The following JAKMIP2 variants were observed in gnomAD, a reference collection of about 807,000 sequenced individuals.
The protein encoded by JAKMIP2 is janus kinase and microtubule interacting protein 2.
JAKMIP2 carries 25 observed loss-of-function variants against 115.0 expected under a neutral mutation model. That is an observed-to-expected ratio of 0.22 (90% CI 0.16 to 0.30). The LOEUF is 0.30. JAKMIP2 is among the 10% of genes least tolerant of loss of function. The pLI is 1.00. For missense variants in JAKMIP2, 642 were observed against 957.6 expected (o/e 0.67, Z 4.35); for synonymous variants, 334 against 343.6 (o/e 0.97, Z 0.31).
At chr5:147,656,868 C>A (rs896916628) in intron 3 of JAKMIP2, among the ~76,000 whole-genome samples, 1 of 152,104 alleles carries the variant, frequency 6.6e-6, no homozygotes, top group Non-Finnish European at 1.5e-5. Context: ...GGAGCTCTTG[C>A]AAAGCAGGCC....
chr5:147,753,731 T>C (rs1016624988), intron 1 of JAKMIP2, among the ~76,000 whole-genome samples: 2 of 151,742 alleles, frequency 1.3e-5, no homozygotes, highest in African/African-American at 4.8e-5. Flanking sequence ...TTCCTTGTGG[T>C]AGAAAAGCTA....
chr5:147,667,839 C>A (rs2126797514), intron 2 of JAKMIP2, among the ~76,000 whole-genome samples: 1 of 152,286 alleles, frequency 6.6e-6, no homozygotes, highest in African/African-American at 2.4e-5. Context: ...TGGGGACAGT[C>A]ACTCGAGGAT....
At chr5:147,658,613 C>T (rs1758797015) in intron 3 of JAKMIP2, among the ~76,000 whole-genome samples, 1 of 152,210 alleles carries the variant, frequency 6.6e-6, no homozygotes, top group South Asian at 2.1e-4. Flanking sequence ...ATTAAATCCG[C>T]TGAAGCTGCT....
intron 3 of JAKMIP2, among the ~76,000 whole-genome samples, chr5:147,655,262 T>C (rs1019019566): frequency 6.6e-6 from 1 of 152,230 alleles, no homozygotes; most frequent in Non-Finnish European, 1.5e-5. Context: ...TTTGGAATAG[T>C]TTCAGAAGGA....
chr5:147,684,226 C>T (rs1359249165), intron 1 of JAKMIP2, among the ~76,000 whole-genome samples: 1 of 139,926 alleles, frequency 7.1e-6, no homozygotes, highest in Non-Finnish European at 1.5e-5. Flanking sequence ...ATGTGCAAGG[C>T]ATTGTGGTAG....
intron 15 of JAKMIP2, among the ~76,000 whole-genome samples, chr5:147,629,179 G>T (rs962076561): frequency 6.6e-6 from 1 of 152,016 alleles, no homozygotes; most frequent in Non-Finnish European, 1.5e-5. Context: ...ATTTTTCAAG[G>T]GAAAAACGGT....
intron 1 of JAKMIP2, among the ~76,000 whole-genome samples, chr5:147,700,229 T>A (rs1324422629): frequency 6.6e-6 from 1 of 151,820 alleles, no homozygotes; most frequent in African/African-American, 2.4e-5. Context: ...GTTAAAAATA[T>A]GAAAAATATT....
intron 1 of JAKMIP2, among the ~76,000 whole-genome samples, chr5:147,750,134 C>A (rs957167773): frequency 6.6e-6 from 1 of 152,158 alleles, no homozygotes; most frequent in East Asian, 1.9e-4. Context: ...AGCAATTACA[C>A]GTCTAGATCT....
At chr5:147,748,274 AAT>A (rs558657513) in intron 1 of JAKMIP2, among the ~76,000 whole-genome samples, 1 of 151,770 alleles carries the variant, frequency 6.6e-6, no homozygotes, top group African/African-American at 2.4e-5. Context: ...TATGTGAAAT[AAT>A]ATATATATAT....
intron 10 of JAKMIP2, among the ~76,000 whole-genome samples, chr5:147,637,816 G>A (rs1215004631): frequency 6.6e-6 from 1 of 152,094 alleles, no homozygotes; most frequent in Non-Finnish European, 1.5e-5. Context: ...GTCTGTGTGT[G>A]TAAGTAGTTT....
At chr5:147,636,170 G>A in intron 12 of JAKMIP2, 52 bp downstream of exon 12, 9 of 1,474,266 alleles carry the variant, frequency 6.1e-6, no homozygotes, top group Non-Finnish European at 8.5e-6. Flanking sequence ...GCTGCTCCTG[G>A]ATCTCTCATG....
rs147463892 is a variant in JAKMIP2 at position 147,763,794 on chromosome 5, T to G, written c.-149+18662A>C. 5.3e-5 allele frequency among the ~76,000 whole-genome samples: 8 copies of G among 152,250 alleles called. No homozygotes were observed. In the East Asian group the frequency reaches 1.5e-3, roughly 29 times the overall value. ...AAGATACCAAGAGAAGAATGAAAAC[T>G]TGGCATGAACAGGGAAGGCCATTTA... On this transcript the variant is annotated intron_variant, in intron 1 of 21. Transcript: ENST00000616793.
At chr5:147,631,288 C>T (rs1414214859) in intron 14 of JAKMIP2, 125 bp downstream of exon 14, 3 of 578,996 alleles carry the variant, frequency 5.2e-6, no homozygotes, top group Non-Finnish European at 9.1e-6. Context: ...TCAATTCCTA[C>T]ATAGTTTGTA....
intron 1 of JAKMIP2, among the ~76,000 whole-genome samples, chr5:147,696,338 T>C (rs970303526): frequency 3.9e-5 from 6 of 152,146 alleles, no homozygotes; most frequent in African/African-American, 9.7e-5. Flanking sequence ...GTTCTCATGA[T>C]AGTGAGTGCA....
Position 147,640,825 on chromosome 5 carries a change from T to C in JAKMIP2, c.1282-2A>G. ...AATAAACGGGTCCAAAACAGGCCTC[T>C]AAATGGAGGGAAAGTACCTATTTAC... is the stretch of plus-strand genomic sequence containing the variant. On this transcript the variant is annotated splice_acceptor_variant, in intron 8 of 21. Coordinates refer to ENST00000616793, the MANE Select transcript of JAKMIP2 (RefSeq NM_001270941.2). LOFTEE classifies it high-confidence loss of function. The C allele has an allele frequency of 6.2e-7, 1 of 1,610,930 alleles. No individual in the cohort carries two copies. The highest frequency in any genetic ancestry group is 1.1e-5 in the South Asian group (1 of 90,392).
rs200470573 is a variant in JAKMIP2, at chr5:147,768,066, T to TACAC, written c.-149+14386_-149+14389dup. Among the ~76,000 whole-genome samples the TACAC allele has an allele frequency of 3.3e-5, 5 of 152,058 alleles. No individual in the cohort carries two copies. The East Asian group carries it at 9.7e-4, about 29-fold the overall frequency. On this transcript the variant is annotated intron_variant, in intron 1 of 21. Coordinates refer to ENST00000616793, the MANE Select transcript of JAKMIP2 (RefSeq NM_001270941.2). ...AAGGCAAGACAGGTTACAAAACCCC[T>TACAC]ACACACACACACACTTTCAGGTTTG...
At chr5:147,774,506 T>C (rs970620611) in intron 1 of JAKMIP2, among the ~76,000 whole-genome samples, 5 of 152,210 alleles carry the variant, frequency 3.3e-5, no homozygotes, top group Admixed American at 3.3e-4. Flanking sequence ...ATTGGTAGAA[T>C]GAGACAATAG....
At chr5:147,684,758 A>T (rs1355666708) in intron 1 of JAKMIP2, among the ~76,000 whole-genome samples, 1 of 152,136 alleles carries the variant, frequency 6.6e-6, no homozygotes, top group African/African-American at 2.4e-5. Context: ...TTTTTTTCTA[A>T]GAAGGGCTAA....
chr5:147,637,901 A>C (rs1757699494), intron 10 of JAKMIP2, among the ~76,000 whole-genome samples: 1 of 152,056 alleles, frequency 6.6e-6, no homozygotes, highest in Non-Finnish European at 1.5e-5. Context: ...CTGCCTGTAA[A>C]CCCATTTTTT....
Sources: allele counts gnomAD v4.1 joint callset (sites outside exome capture counted in the v4.1 genomes callset), GRCh38; gene constraint gnomAD v4.1.1; transcripts MANE v1.5; gene names NCBI Gene and HGNC (gene_info 2026-07-23, HGNC 2026-07-21).